The following LOC122539214 variants were observed in gnomAD, a reference collection of about 807,000 sequenced individuals.
At chr19:52,669,659 A>G in the LOC122539214 span, among the ~76,000 whole-genome samples, 1 of 152,220 alleles carries the variant, frequency 6.6e-6, no homozygotes, top group East Asian at 1.9e-4. Context: ...TGAACAACTC[A>G]GGGGTAAATG....
the LOC122539214 span, among the ~76,000 whole-genome samples, chr19:52,670,580 T>C: frequency 1.3e-5 from 2 of 152,194 alleles, no homozygotes; most frequent in African/African-American, 4.8e-5. Flanking sequence ...ATATTTGTCA[T>C]GGAAAAGAGT....
At chr19:52,664,453 G>A in the LOC122539214 span, among the ~76,000 whole-genome samples, 1 of 152,036 alleles carries the variant, frequency 6.6e-6, no homozygotes, top group Non-Finnish European at 1.5e-5. Flanking sequence ...CTCTGATCCT[G>A]TAACAGCTCT....
the LOC122539214 span, among the ~76,000 whole-genome samples, chr19:52,671,434 C>T: frequency 6.6e-6 from 1 of 152,014 alleles, no homozygotes; most frequent in Non-Finnish European, 1.5e-5. Context: ...TACCTTTTAT[C>T]TTCAAGTTGT....
chr19:52,652,487 CCAT>C, the LOC122539214 span: 2 of 442,190 alleles, frequency 4.5e-6, no homozygotes, highest in African/African-American at 4.1e-5. Context: ...AGGTTCTCTC[CCAT>C]ATGAATTCTC....
At chr19:52,687,388 T>G in the LOC122539214 span, among the ~76,000 whole-genome samples, 2 of 60,610 alleles carry the variant, frequency 3.3e-5, 1 homozygote, top group Admixed American at 3.2e-4. Context: ...AATTTATATA[T>G]ATATAATTTA....
At chr19:52,669,603 A>G in the LOC122539214 span, among the ~76,000 whole-genome samples, 1 of 152,232 alleles carries the variant, frequency 6.6e-6, no homozygotes, top group African/African-American at 2.4e-5. Flanking sequence ...CATTGAAAGT[A>G]AAACAAAGAC....
At chr19:52,654,767 T>A in the LOC122539214 span, 2 of 157,300 alleles carry the variant, frequency 1.3e-5, no homozygotes, top group Non-Finnish European at 2.8e-5. Context: ...TAAGCCTGAA[T>A]GATGTCCTCC....
the LOC122539214 span, among the ~76,000 whole-genome samples, chr19:52,679,265 G>A: frequency 6.6e-6 from 1 of 152,272 alleles, no homozygotes; most frequent in Admixed American, 6.5e-5. Context: ...ATTAGTTTAT[G>A]GGATGAACAT....
chr19:52,680,653 C>A, the LOC122539214 span, among the ~76,000 whole-genome samples: 1 of 132,598 alleles, frequency 7.5e-6, no homozygotes, highest in African/African-American at 3.1e-5. Context: ...CGCTCTGTCG[C>A]CCAGGCTGGA....
the LOC122539214 span, among the ~76,000 whole-genome samples, chr19:52,667,271 A>ATGTTATATGGTAAATTCT: frequency 6.6e-6 from 1 of 151,920 alleles, no homozygotes. Context: ...TGTAAAAAGA[A>ATGTTATATGGTAAATTCT]TGTTATATGG....
chr19:52,677,057 T>C, the LOC122539214 span, among the ~76,000 whole-genome samples: 1 of 145,164 alleles, frequency 6.9e-6, no homozygotes, highest in African/African-American at 2.6e-5. Flanking sequence ...CTGCTGACCT[T>C]CCCTCCACTG....
chr19:52,667,458 T>C, the LOC122539214 span, among the ~76,000 whole-genome samples: 1 of 152,182 alleles, frequency 6.6e-6, no homozygotes, highest in African/African-American at 2.4e-5. Flanking sequence ...GTCCTCCTGA[T>C]TGTAAAACTG....
chr19:52,681,579 T>A, the LOC122539214 span, among the ~76,000 whole-genome samples: 1 of 152,206 alleles, frequency 6.6e-6, no homozygotes, highest in African/African-American at 2.4e-5. Flanking sequence ...TGAAGAAAGA[T>A]CTGTACTTGG....
At chr19:52,678,757 T>C in the LOC122539214 span, among the ~76,000 whole-genome samples, 2 of 151,952 alleles carry the variant, frequency 1.3e-5, no homozygotes, top group Admixed American at 6.6e-5. Context: ...GTGTATCACC[T>C]GAGGTAAAGA....
At chr19:52,651,626 T>G in the LOC122539214 span, 1 of 139,596 alleles carries the variant, frequency 7.2e-6, no homozygotes, top group Non-Finnish European at 1.5e-5. Flanking sequence ...GAGGTTGCAG[T>G]GAACCAAGAT....
At chr19:52,680,737 C>T in the LOC122539214 span, among the ~76,000 whole-genome samples, 5 of 142,220 alleles carry the variant, frequency 3.5e-5, no homozygotes, top group South Asian at 2.2e-4. Flanking sequence ...CTCAGCCTCC[C>T]GAGTAACTGG....
chr19:52,686,054 G>A, the LOC122539214 span, among the ~76,000 whole-genome samples: 6 of 152,172 alleles, frequency 3.9e-5, no homozygotes, highest in East Asian at 1.2e-3. Flanking sequence ...TTTAACAAAT[G>A]ACATAAGGAA....
chr19:52,688,624 T>G, the LOC122539214 span, among the ~76,000 whole-genome samples: 1 of 152,070 alleles, frequency 6.6e-6, no homozygotes, highest in Non-Finnish European at 1.5e-5. Flanking sequence ...CCTTCTTCAC[T>G]CTATTCCTTC....
the LOC122539214 span, among the ~76,000 whole-genome samples, chr19:52,669,475 C>T: frequency 6.6e-6 from 1 of 152,158 alleles, no homozygotes; most frequent in Non-Finnish European, 1.5e-5. Context: ...TTAGGGGCTA[C>T]CAGCCAGATG....
Sources: allele counts gnomAD v4.1 joint callset (sites outside exome capture counted in the v4.1 genomes callset), GRCh38; gene constraint gnomAD v4.1.1; transcripts MANE v1.5.